USP3: variants seen among roughly 807,000 people sequenced by gnomAD.
The protein encoded by USP3 is ubiquitin carboxyl-terminal hydrolase 3.
USP3 carries 20 observed loss-of-function variants against 72.3 expected under a neutral mutation model. The observed-to-expected ratio is 0.28, with a 90% confidence interval of 0.19 to 0.40. The LOEUF (loss-of-function observed/expected upper bound fraction) is 0.40. Among genes scored for constraint, USP3 ranks in the 10% least tolerant of loss-of-function variants. The pLI, the probability that USP3 is intolerant of heterozygous loss-of-function variation, is 1.00. For missense variants in USP3, 479 were observed against 633.9 expected, an observed-to-expected ratio of 0.76 and a Z score of 2.62; for synonymous variants, 222 against 225.3, an observed-to-expected ratio of 0.99 and a Z score of 0.13.
intron 3 of USP3, among the ~76,000 whole-genome samples, chr15:63,547,347 C>G (rs1204787887): frequency 6.6e-6 from 1 of 152,026 alleles, no homozygotes; most frequent in Non-Finnish European, 1.5e-5. Context: ...TATAGGAACA[C>G]CTAGAATTGG....
chr15:63,551,963 A>G (rs1048755418), intron 3 of USP3: 1 of 152,228 alleles, frequency 6.6e-6, no homozygotes, highest in Non-Finnish European at 1.5e-5. Flanking sequence ...TTATACCAGA[A>G]AGGATTACCT....
chr15:63,511,562 T>C (rs2065782718), intron 1 of USP3, among the ~76,000 whole-genome samples: 1 of 152,208 alleles, frequency 6.6e-6, no homozygotes, highest in Non-Finnish European at 1.5e-5. Context: ...TCAGATCTAA[T>C]ATTTTTATAG....
chr15:63,556,784 G>A (rs2066517105), intron 5 of USP3, 36 bp downstream of exon 5: 9 of 1,385,394 alleles, frequency 6.5e-6, no homozygotes, highest in Non-Finnish European at 8.9e-6. Context: ...ATAAGAGTTA[G>A]TTGAGATTTA....
At chr15:63,557,227 C>T (rs1010650278) in intron 5 of USP3, among the ~76,000 whole-genome samples, 1 of 152,054 alleles carries the variant, frequency 6.6e-6, no homozygotes, top group African/African-American at 2.4e-5. Context: ...TACACCACCA[C>T]GCCTGGCTAA....
chr15:63,577,191 C>T (rs58877764), intron 11 of USP3, among the ~76,000 whole-genome samples: 1,695 of 152,306 alleles, frequency 0.011, 29 homozygotes, highest in African/African-American at 0.039. Context: ...TTTGATCTCA[C>T]TTATATTATA....
chr15:63,545,989 A>AC (rs2066320040), intron 3 of USP3, among the ~76,000 whole-genome samples: 2 of 150,774 alleles, frequency 1.3e-5, no homozygotes, highest in Admixed American at 6.6e-5. Context: ...AAAAAAAAAA[A>AC]AAAAAACAGT....
chr15:63,531,293 G>A (rs2066071058), intron 1 of USP3, among the ~76,000 whole-genome samples: 1 of 152,140 alleles, frequency 6.6e-6, no homozygotes, highest in Non-Finnish European at 1.5e-5. Flanking sequence ...GAGTATTTGG[G>A]AACTGAGTGT....
chr15:63,588,652 G>A lies in USP3; in HGVS notation c.1216-50G>A. ...CTGATAGTAGTATCAAACTTTGACT[G>A]AAAGGTAAATTAGGTGTTCACAATC... On this transcript the variant is annotated intron_variant, in intron 12 of 14. Transcript: ENST00000380324. This position sits in a 1 kb window ranked among gnomAD's most constrained non-coding sequence, Gnocchi z 4.6. 7.2e-7 allele frequency: 1 copy of A among 1,397,768 alleles called. No individual in the cohort carries two copies. Among genetic ancestry groups the A allele is most frequent in the Non-Finnish European group, 1.0e-6 (1 of 995,370 alleles). The allele number at this position is 1,397,768 out of a possible 1,614,324, so 86.6% of individuals were successfully genotyped here. A position where few individuals can be genotyped will look rare whatever the true frequency, so the allele number is the denominator to read the frequency against.
intron 2 of USP3, among the ~76,000 whole-genome samples, chr15:63,534,996 A>G (rs2066135182): frequency 6.6e-6 from 1 of 152,036 alleles, no homozygotes; most frequent in South Asian, 2.1e-4. Flanking sequence ...GAGTGGGGTG[A>G]TCTCGGCTCA....
Position 63,588,657 on chromosome 15 carries a change from G to A in USP3, c.1216-45G>A. ...AGTAGTATCAAACTTTGACTGAAAGGTAAATTAGGTGTTCACAATCTTTGA... is the reference window on the plus strand; with the variant it reads ...AGTAGTATCAAACTTTGACTGAAAGATAAATTAGGTGTTCACAATCTTTGA... On this transcript the variant is annotated intron_variant, in intron 12 of 14. Coordinates refer to ENST00000380324, the MANE Select transcript of USP3 (RefSeq NM_006537.4). The surrounding 1 kb of genome is among the most constrained non-coding windows in gnomAD (Gnocchi z 4.6). 1 of 1,426,046 alleles carries A rather than the reference G, an allele frequency of 7.0e-7. No homozygotes were observed. The highest frequency in any genetic ancestry group is 9.8e-7 in the Non-Finnish European group (1 of 1,018,764). The allele number at this position is 1,426,046 out of a possible 1,614,324, so 88.3% of individuals were successfully genotyped here.
chr15:63,514,444 C>T (rs566513476), intron 1 of USP3, among the ~76,000 whole-genome samples: 1 of 152,154 alleles, frequency 6.6e-6, no homozygotes, highest in African/African-American at 2.4e-5. Context: ...ATCCCTCGGG[C>T]AGAGTATACG....
chr15:63,565,333 C>A (rs79681570), intron 8 of USP3, among the ~76,000 whole-genome samples: 3,363 of 152,214 alleles, frequency 0.022, 117 homozygotes, highest in African/African-American at 0.074. Context: ...AGTTACCTAG[C>A]AGGGAAAATT....
rs1233878601 is a variant in USP3, at chr15:63,585,542, G to A, written c.1097-2763G>A. On this transcript the variant is annotated intron_variant, in intron 11 of 14. Coordinates refer to ENST00000380324, the MANE Select transcript of USP3 (RefSeq NM_006537.4). ...TACATTGTTAGTGTATAGAAATGCAGCTAATTTTTGTGTGTTGATTTTGTA... is the reference window on the plus strand; with the variant it reads ...TACATTGTTAGTGTATAGAAATGCAACTAATTTTTGTGTGTTGATTTTGTA... Among the ~76,000 whole-genome samples, 2 of 152,110 alleles carry A rather than the reference G, an allele frequency of 1.3e-5. 1 individual carries two copies. Among genetic ancestry groups the A allele is most frequent in the East Asian group, 3.9e-4 (2 of 5,194 alleles).
At chr15:63,533,980 T>A in intron 2 of USP3, 1 of 633,876 alleles carries the variant, frequency 1.6e-6, no homozygotes, top group Non-Finnish European at 2.0e-6. Flanking sequence ...CGTAGTGCTC[T>A]ACAACCTAAA....
rs1238226832 is a variant in USP3 at position 63,527,336 on chromosome 15, G to A, written c.92-5311G>A. Among the ~76,000 whole-genome samples the A allele has an allele frequency of 3.3e-5, 5 of 152,270 alleles. No homozygotes were observed. In the East Asian group the frequency reaches 9.6e-4, roughly 29 times the overall value. Reference sequence around the variant, plus strand: ...ATGGTAGAGCCAGAACTAGAATCCCGGTCATCTGATCCTCATCTTTCTGAA... The same window carrying A: ...ATGGTAGAGCCAGAACTAGAATCCCAGTCATCTGATCCTCATCTTTCTGAA... On this transcript the variant is annotated intron_variant, in intron 1 of 14. Coordinates refer to ENST00000380324, the MANE Select transcript of USP3 (RefSeq NM_006537.4).
chr15:63,581,343 TTTTG>T (rs1260079237), intron 11 of USP3, among the ~76,000 whole-genome samples: 22 of 132,478 alleles, frequency 1.7e-4, no homozygotes, highest in South Asian at 4.9e-4. Flanking sequence ...TTGTGTTGGT[TTTTG>T]TGTGTGTGTG....
intron 1 of USP3, among the ~76,000 whole-genome samples, chr15:63,523,395 T>C (rs2065943232): frequency 6.6e-6 from 1 of 152,238 alleles, no homozygotes; most frequent in African/African-American, 2.4e-5. Flanking sequence ...GCTACAACTT[T>C]AAGACAGTTG....
At chr15:63,578,615 A>AG (rs1338386883) in intron 11 of USP3, among the ~76,000 whole-genome samples, 8 of 144,904 alleles carry the variant, frequency 5.5e-5, no homozygotes, top group African/African-American at 8.0e-5. Flanking sequence ...CCGTCTCAGA[A>AG]AAAAAAAAAA....
chr15:63,533,593 T>A (rs1450342360), intron 2 of USP3, among the ~76,000 whole-genome samples: 1 of 152,152 alleles, frequency 6.6e-6, no homozygotes, highest in East Asian at 1.9e-4. Flanking sequence ...TAGGCTGAAA[T>A]CTATATTGTA....
Sources: allele counts gnomAD v4.1 joint callset (sites outside exome capture counted in the v4.1 genomes callset), GRCh38; gene constraint gnomAD v4.1.1; non-coding constraint Gnocchi (gnomAD v3.1); transcripts MANE v1.5; gene names NCBI Gene and HGNC (gene_info 2026-07-23, HGNC 2026-07-21).